Variants in CYRIA observed in about 807,000 individuals in gnomAD.
The protein encoded by CYRIA is CYFIP related Rac1 interactor A, also known as CYFIP-related Rac1 interactor A.
Under a neutral mutation model 43.9 loss-of-function variants are expected in CYRIA, and 15 were observed. That is an observed-to-expected ratio of 0.34 (90% CI 0.23 to 0.53). The LOEUF (loss-of-function observed/expected upper bound fraction) is 0.53. CYRIA is among the 20% of genes least tolerant of loss of function. The pLI, the probability that CYRIA is intolerant of heterozygous loss-of-function variation, is 0.94. For missense variants in CYRIA, 236 were observed against 394.2 expected (o/e 0.60, Z 3.40); for synonymous variants, 117 against 136.0 (o/e 0.86, Z 0.97).
intron 1 of CYRIA, among the ~76,000 whole-genome samples, chr2:16,635,003 TA>T (rs1428937393): frequency 6.6e-6 from 1 of 152,238 alleles, no homozygotes; most frequent in Non-Finnish European, 1.5e-5. Context: ...AAATTGTAGC[TA>T]AAGCTCTACC....
chr2:16,642,293 G>A (rs1205680439), intron 1 of CYRIA, among the ~76,000 whole-genome samples: 1 of 152,022 alleles, frequency 6.6e-6, no homozygotes, highest in Non-Finnish European at 1.5e-5. Flanking sequence ...TCCCAATCCT[G>A]CTCTACCCAC....
intron 9 of CYRIA, among the ~76,000 whole-genome samples, chr2:16,560,068 A>G (rs1666673683): frequency 6.6e-6 from 1 of 152,176 alleles, no homozygotes; most frequent in African/African-American, 2.4e-5. Context: ...ACTATGTATC[A>G]TTCATTGAGC....
intron 2 of CYRIA, among the ~76,000 whole-genome samples, chr2:16,614,852 C>G (rs1394259547): frequency 6.6e-6 from 1 of 152,202 alleles, no homozygotes; most frequent in Non-Finnish European, 1.5e-5. Flanking sequence ...ATGCCAAGCT[C>G]TTTGCTGGCT....
intron 1 of CYRIA, among the ~76,000 whole-genome samples, chr2:16,652,693 C>A (rs1440045828): frequency 6.6e-6 from 1 of 152,180 alleles, no homozygotes; most frequent in East Asian, 1.9e-4. Flanking sequence ...TTGAGGGTTT[C>A]TCGAGAGCTT....
chr2:16,583,022 T>C (rs1201562561), intron 3 of CYRIA, among the ~76,000 whole-genome samples: 1 of 152,174 alleles, frequency 6.6e-6, no homozygotes, highest in African/African-American at 2.4e-5. Flanking sequence ...CACTAACACC[T>C]TATTATCTCT....
chr2:16,652,681 C>G (rs1274226769), intron 1 of CYRIA, among the ~76,000 whole-genome samples: 4 of 152,204 alleles, frequency 2.6e-5, no homozygotes. Context: ...TCCTGACACA[C>G]TTTGAGGGTT....
At chr2:16,613,629 A>G (rs148167680) in intron 2 of CYRIA, among the ~76,000 whole-genome samples, 2 of 151,348 alleles carry the variant, frequency 1.3e-5, no homozygotes, top group Non-Finnish European at 2.9e-5. Flanking sequence ...GCAGTTAAGT[A>G]CCTTATCCAC....
chr2:16,567,011 C>G (rs1666957693), intron 3 of CYRIA, among the ~76,000 whole-genome samples: 1 of 152,180 alleles, frequency 6.6e-6, no homozygotes, highest in African/African-American at 2.4e-5. Flanking sequence ...TACACCTGGT[C>G]TAACCCTCAC....
chr2:16,603,891 CTA>C (rs2103480805), intron 2 of CYRIA, among the ~76,000 whole-genome samples: 1 of 152,326 alleles, frequency 6.6e-6, no homozygotes, highest in South Asian at 2.1e-4. Flanking sequence ...TCAAACACTT[CTA>C]TGTTACACGG....
At chr2:16,572,678 TA>T (rs774424291) in intron 3 of CYRIA, among the ~76,000 whole-genome samples, 25 of 152,342 alleles carry the variant, frequency 1.6e-4, no homozygotes, top group Non-Finnish European at 3.1e-4. Context: ...AGAGTATTTT[TA>T]AGAGTACAAT....
In CYRIA at chr2:16,593,736, TTTA is replaced by T. The variant is rs1558418763; in HGVS notation, c.-10-5610_-10-5608del. Among the ~76,000 whole-genome samples, 603 of 140,132 alleles carry T rather than the reference TTTA, an allele frequency of 4.3e-3. 10 individuals carry two copies. The highest frequency in any genetic ancestry group is 0.011 in the African/African-American group (398 of 37,398). 91.9% of individuals were successfully genotyped at this position (140,132 alleles called of 152,430 possible). A position where few individuals can be genotyped will look rare whatever the true frequency, so the allele number is the denominator to read the frequency against. On this transcript the variant is annotated intron_variant, in intron 2 of 11. Transcript: ENST00000381323. ...TGTGTGTGTTTTTTTTTTTTTTTTT[TTTA>T]TTATACTCTAAGTTTTAGGGTACAT...
chr2:16,552,672 G>T lies in CYRIA; in HGVS notation c.*264C>A. ...TTTATCGTTATAGATGTTGTTAAAG[G>T]ACTCCAGTAGCAAAGATCAAAGTCT... On this transcript the variant is annotated 3_prime_UTR_variant, in exon 12 of 12. Coordinates refer to ENST00000381323, the MANE Select transcript of CYRIA (RefSeq NM_030797.4). 2.5e-6 allele frequency: 1 copy of T among 403,924 alleles called. No individual in the cohort carries two copies. Among genetic ancestry groups the T allele is most frequent in the Non-Finnish European group, 4.4e-6 (1 of 225,568 alleles). The allele number at this position is 403,924 out of a possible 1,614,324, so 25.0% of individuals were successfully genotyped here.
chr2:16,551,352 C>G lies in CYRIA; in HGVS notation c.*1584G>C, dbSNP rs1666301812. 6.6e-6 allele frequency: 1 copy of G among 152,140 alleles called. No individual in the cohort carries two copies. Among genetic ancestry groups the G allele is most frequent in the Non-Finnish European group, 1.5e-5 (1 of 68,030 alleles). 9.4% of individuals were successfully genotyped at this position (152,140 alleles called of 1,614,324 possible). On this transcript the variant is annotated 3_prime_UTR_variant, in exon 12 of 12. Coordinates refer to ENST00000381323, the MANE Select transcript of CYRIA (RefSeq NM_030797.4). ...TTCTAGGATTATCATTCACTAAATG[C>G]CTGGGTGACTCCTTCTAGTGGAAAC...
At chr2:16,645,471 G>C (rs1483781536) in intron 1 of CYRIA, among the ~76,000 whole-genome samples, 13 of 152,206 alleles carry the variant, frequency 8.5e-5, no homozygotes. Flanking sequence ...GGCTAGTGCA[G>C]TATCTGATAT....
Position 16,563,975 on chromosome 2 carries a change from AAATAC to A in CYRIA, c.298+9_298+13del. ...TCCGTATGTGGGCCATGAAAACTAC[AAATAC>A]ATACTCACCTAGTCTAATGGAAAAC... On this transcript the variant is annotated intron_variant, in intron 5 of 11. Transcript: ENST00000381323. 1 of 1,595,140 alleles carries A rather than the reference AAATAC, an allele frequency of 6.3e-7. No homozygotes were observed.
chr2:16,601,507 C>T (rs550104865), intron 2 of CYRIA, among the ~76,000 whole-genome samples: 45 of 152,202 alleles, frequency 3.0e-4, no homozygotes, highest in African/African-American at 1.1e-3. Context: ...GGTAGCAATG[C>T]CTCTAAAGCC....
At chr2:16,557,896 AAAT>A (rs1262371113) in intron 10 of CYRIA, among the ~76,000 whole-genome samples, 1 of 152,202 alleles carries the variant, frequency 6.6e-6, no homozygotes, top group Non-Finnish European at 1.5e-5. Context: ...ACCCATAGTC[AAAT>A]AATATTTACA....
At position 16,572,585 on chromosome 2, in the gene CYRIA, C is replaced by T. The variant is rs572125054; in HGVS notation, c.71-6818G>A. On this transcript the variant is annotated intron_variant, in intron 3 of 11. Transcript: ENST00000381323. ...TGGTCTGAGTTAGCAACAACAGCAA[C>T]GATCCCAGATGATAGGCTGATCTGA... 1.3e-4 allele frequency among the ~76,000 whole-genome samples: 20 copies of T among 152,202 alleles called. No individual in the cohort carries two copies. In the South Asian group the frequency reaches 3.3e-3, roughly 25 times the overall value.
intron 1 of CYRIA, among the ~76,000 whole-genome samples, chr2:16,655,603 T>C (rs1278077986): frequency 6.6e-6 from 1 of 152,196 alleles, no homozygotes; most frequent in Non-Finnish European, 1.5e-5. Context: ...CCTAAAGAAC[T>C]TGAACCTGAA....
Sources: gnomAD v4.1 joint callset for allele counts (sites outside exome capture counted in the v4.1 genomes callset) on GRCh38, gnomAD v4.1.1 for gene constraint, MANE v1.5 for transcripts, NCBI Gene and HGNC (gene_info 2026-07-23, HGNC 2026-07-21) for gene names.